Variants in SNRPD2 observed in about 807,000 individuals in gnomAD.
SNRPD2 encodes small nuclear ribonucleoprotein D2 polypeptide.
Under a neutral mutation model 11.5 loss-of-function variants are expected in SNRPD2, and 1 was observed. That is an observed-to-expected ratio of 0.09 (90% CI 0.03 to 0.41). SNRPD2 has a LOEUF of 0.41. SNRPD2 is among the 10% of genes least tolerant of loss of function. SNRPD2 has a pLI of 0.98. For missense variants in SNRPD2, 77 were observed against 154.9 expected (o/e 0.50, Z 2.67); for synonymous variants, 63 against 61.5 (o/e 1.02, Z -0.12).
chr19:45,688,078 C>T lies in SNRPD2; in HGVS notation c.182+309G>A, dbSNP rs1302762478. Among the ~76,000 whole-genome samples the T allele has an allele frequency of 6.6e-6, 1 of 152,220 alleles. No individual in the cohort carries two copies. The highest frequency in any genetic ancestry group is 2.4e-5 in the African/African-American group (1 of 41,458). On this transcript the variant is annotated intron_variant, in intron 2 of 2. Transcript: ENST00000342669. The surrounding 1 kb of genome is among the most constrained non-coding windows in gnomAD (Gnocchi z 4.1). ...TTCAGCTCACCACAACCTCCGCCTC[C>T]TGGGTTCAGGCTATTCTTGTGCCTC... is the stretch of plus-strand genomic sequence containing the variant.
chr19:45,687,642 C>T lies in SNRPD2; in HGVS notation c.268G>A (p.Val90Ile). The change falls in exon 3 of 3, where the codon GTC (valine) becomes ATC (isoleucine). Residue 90 changes from valine to isoleucine, a missense_variant. Transcript: ENST00000342669. The surrounding 1 kb of genome is among the most constrained non-coding windows in gnomAD (Gnocchi z 4.1). ...SGKGKKKSKP[V>I]NKDRYISKMF... is the part of the protein sequence containing the mutation. ...TTGGAGATGTAGCGGTCTTTGTTGA[C>T]TGGCTTGGACTTCTTCTTGCCCTTG... The T allele has an allele frequency of 1.2e-6, 2 of 1,614,120 alleles. No homozygotes were observed. The highest frequency in any genetic ancestry group is 1.7e-6 in the Non-Finnish European group (2 of 1,179,940).
In SNRPD2 at chr19:45,688,703, T is replaced by A; in HGVS notation, c.3-137A>T. 1 of 679,740 alleles carries A rather than the reference T, an allele frequency of 1.5e-6. No homozygotes were observed. The allele number at this position is 679,740 out of a possible 1,614,324, so 42.1% of individuals were successfully genotyped here. A position where few individuals can be genotyped will look rare whatever the true frequency, so the allele number is the denominator to read the frequency against. On this transcript the variant is annotated intron_variant, in intron 1 of 2. Transcript: ENST00000342669. The surrounding 1 kb of genome is among the most constrained non-coding windows in gnomAD (Gnocchi z 4.1). ...ACCACATCTGTCCTCCTGTTCAGCC[T>A]TCTGAGTATCATCAGCTAGATGCCT...
chr19:45,691,700 C>T (rs1967560689), intron 1 of SNRPD2, 187 bp downstream of exon 1: 2 of 744,618 alleles, frequency 2.7e-6, no homozygotes, highest in Non-Finnish European at 4.8e-6. Context: ...GCTGTCCCCT[C>T]TCCCGAAGTC....
rs1331088507 is a variant in SNRPD2 at position 45,687,848 on chromosome 19, C to T, written c.183-121G>A. The stretch of plus-strand genomic sequence containing the variant: ...CTTGGGGAAGGGTGCAGGTGCTAGG[C>T]CGGGATGACCAAGCTGCCAAAGCAA... On this transcript the variant is annotated intron_variant, in intron 2 of 2. Transcript: ENST00000342669. This position sits in a 1 kb window ranked among gnomAD's most constrained non-coding sequence, Gnocchi z 4.1. 2.6e-6 allele frequency: 2 copies of T among 770,900 alleles called. No homozygotes were observed. Among genetic ancestry groups the T allele is most frequent in the Non-Finnish European group, 4.3e-6 (2 of 469,114 alleles). 47.8% of individuals were successfully genotyped at this position (770,900 alleles called of 1,614,324 possible).
At chr19:45,692,157 G>T, upstream of SNRPD2, 1 of 653,758 alleles carries the variant, frequency 1.5e-6, no homozygotes, top group East Asian at 3.2e-5. Context: ...AAGGCAGTCT[G>T]ATTCAAACCG....
chr19:45,687,577 C>T lies in SNRPD2; in HGVS notation c.333G>A (p.Arg111=). 1 of 1,614,192 alleles carries T rather than the reference C, an allele frequency of 6.2e-7. No individual in the cohort carries two copies. The highest frequency in any genetic ancestry group is 8.5e-7 in the Non-Finnish European group (1 of 1,180,006). Residue 111 remains arginine, a synonymous_variant, in exon 3 of 3, where the codon CGG becomes CGA. Coordinates refer to ENST00000342669, the MANE Select transcript of SNRPD2 (RefSeq NM_001384647.1). The surrounding 1 kb of genome is among the most constrained non-coding windows in gnomAD (Gnocchi z 4.1). ...LRGDSVIVVL[R]NPLIAGK Reference sequence around the variant, plus strand: ...CCTACTTGCCGGCGATGAGCGGGTTCCGCAGGACCACGATGACTGAGTCCC... The same window carrying T: ...CCTACTTGCCGGCGATGAGCGGGTTTCGCAGGACCACGATGACTGAGTCCC...
At chr19:45,689,563 T>C (rs1378152443) in intron 1 of SNRPD2, among the ~76,000 whole-genome samples, 1 of 151,844 alleles carries the variant, frequency 6.6e-6, no homozygotes, top group Admixed American at 6.6e-5. Context: ...AACAGAAAAT[T>C]AGCCAGGCGT....
chr19:45,691,189 G>A (rs1262335067), intron 1 of SNRPD2, among the ~76,000 whole-genome samples: 2 of 152,158 alleles, frequency 1.3e-5, no homozygotes, highest in African/African-American at 4.8e-5. Context: ...GAAGTGCAGT[G>A]GCGCAATCTC....
chr19:45,691,536 A>T (rs531760036), intron 1 of SNRPD2: 2,154 of 185,960 alleles, frequency 0.012, 27 homozygotes, highest in South Asian at 0.017. Context: ...TCATAATTAA[A>T]TTTTTTTTTT....
At chr19:45,691,770 G>T in intron 1 of SNRPD2, 117 bp downstream of exon 1, 1 of 1,262,140 alleles carries the variant, frequency 7.9e-7, no homozygotes, top group Non-Finnish European at 1.2e-6. Flanking sequence ...GCAGGACGCT[G>T]CATCCCTAAA....
upstream of SNRPD2, chr19:45,692,281 G>T (rs1215779629): frequency 2.7e-6 from 1 of 368,756 alleles, no homozygotes; most frequent in African/African-American, 2.0e-5. Flanking sequence ...TCCTCGCTTC[G>T]GAGACAGGCA....
rs1186560131 is a variant in SNRPD2, at chr19:45,687,824, T to C, written c.183-97A>G. 5 of 1,025,986 alleles carry C rather than the reference T, an allele frequency of 4.9e-6. No individual in the cohort carries two copies. Among genetic ancestry groups the C allele is most frequent in the Non-Finnish European group, 7.4e-6 (5 of 676,860 alleles). 63.6% of individuals were successfully genotyped at this position (1,025,986 alleles called of 1,614,324 possible). On this transcript the variant is annotated intron_variant, in intron 2 of 2. Coordinates refer to ENST00000342669, the MANE Select transcript of SNRPD2 (RefSeq NM_001384647.1). The surrounding 1 kb of genome is among the most constrained non-coding windows in gnomAD (Gnocchi z 4.1). ...TGCTCGCCCCCTCCAGCAGCATGGC[T>C]TGGGGAAGGGTGCAGGTGCTAGGCC...
chr19:45,690,309 G>A (rs1262403200), intron 1 of SNRPD2, among the ~76,000 whole-genome samples: 2 of 140,430 alleles, frequency 1.4e-5, no homozygotes, highest in Non-Finnish European at 3.1e-5. Flanking sequence ...GCCAGCCTGG[G>A]CGACAGCGAG....
intron 1 of SNRPD2, among the ~76,000 whole-genome samples, chr19:45,690,361 C>T (rs1047141584): frequency 6.9e-6 from 1 of 145,852 alleles, no homozygotes; most frequent in Non-Finnish European, 1.5e-5. Context: ...ATTAGCTGGG[C>T]ATGGTGGCGC....
At position 45,687,679 on chromosome 19, in the gene SNRPD2, T is replaced by G. The variant is rs201732844; in HGVS notation, c.231A>C (p.Val77=). Residue 77 remains valine, a synonymous_variant, in exon 3 of 3, where the codon GTA becomes GTC. Coordinates refer to ENST00000342669, the MANE Select transcript of SNRPD2 (RefSeq NM_001384647.1). The surrounding 1 kb of genome is among the most constrained non-coding windows in gnomAD (Gnocchi z 4.1). ...TCTTCTTGCCCTTGCCACTCTTGGG[T>G]ACCTCAGTCCACATCTCCTTCACGT... The part of the protein sequence containing the change: ...LENVKEMWTE[V]PKSGKGKKKS... 9 of 1,614,060 alleles carry G rather than the reference T, an allele frequency of 5.6e-6. No individual in the cohort carries two copies. In the African/African-American group the frequency reaches 1.1e-4, roughly 19 times the overall value.
intron 1 of SNRPD2, among the ~76,000 whole-genome samples, chr19:45,691,039 C>G (rs1158255473): frequency 1.3e-5 from 2 of 152,122 alleles, no homozygotes; most frequent in African/African-American, 4.8e-5. Context: ...CGAAAACGCA[C>G]CCGTCTCCAG....
Position 45,688,835 on chromosome 19 carries a change from C to G in SNRPD2, c.3-269G>C, listed in dbSNP as rs545664521. Among the ~76,000 whole-genome samples, 9 of 151,794 alleles carry G rather than the reference C, an allele frequency of 5.9e-5. No individual in the cohort carries two copies. The highest frequency in any genetic ancestry group is 1.2e-4 in the Non-Finnish European group (8 of 67,980). ...GCAACCTCTGCCTCCTGGGTTCAAGCGATTCTCCTGCCTCAGCCTCCTGAG... is the reference window on the plus strand; with the variant it reads ...GCAACCTCTGCCTCCTGGGTTCAAGGGATTCTCCTGCCTCAGCCTCCTGAG... On this transcript the variant is annotated intron_variant, in intron 1 of 2. Coordinates refer to ENST00000342669, the MANE Select transcript of SNRPD2 (RefSeq NM_001384647.1). The surrounding 1 kb of genome is among the most constrained non-coding windows in gnomAD (Gnocchi z 4.1).
At position 45,687,492 on chromosome 19, in the gene SNRPD2, C is replaced by T; in HGVS notation, c.*61G>A. The T allele has an allele frequency of 6.9e-7, 1 of 1,456,620 alleles. No individual in the cohort carries two copies. Among genetic ancestry groups the T allele is most frequent in the Admixed American group, 1.7e-5 (1 of 57,266 alleles). 90.2% of individuals were successfully genotyped at this position (1,456,620 alleles called of 1,614,324 possible). A position where few individuals can be genotyped will look rare whatever the true frequency, so the allele number is the denominator to read the frequency against. On this transcript the variant is annotated 3_prime_UTR_variant, in exon 3 of 3. Coordinates refer to ENST00000342669, the MANE Select transcript of SNRPD2 (RefSeq NM_001384647.1). The surrounding 1 kb of genome is among the most constrained non-coding windows in gnomAD (Gnocchi z 4.1). ...AAACACAGAGCTTTATTATTCTCAA[C>T]ACCAATGGCAGCGGTCTTCATAGGA...
chr19:45,690,199 C>T (rs1967501479), intron 1 of SNRPD2, among the ~76,000 whole-genome samples: 6 of 150,406 alleles, frequency 4.0e-5, no homozygotes, highest in South Asian at 4.2e-4. Context: ...GGCGAGGTGG[C>T]GGGCGCCTGT....
Sources: allele counts gnomAD v4.1 joint callset (sites outside exome capture counted in the v4.1 genomes callset), GRCh38; gene constraint gnomAD v4.1.1; non-coding constraint Gnocchi (gnomAD v3.1); transcripts MANE v1.5; gene names NCBI Gene and HGNC (gene_info 2026-07-23, HGNC 2026-07-21).